POLR1D: variants seen among roughly 807,000 people sequenced by gnomAD.
POLR1D encodes the protein DNA-directed RNA polymerases I and III subunit RPAC2.
Under a neutral mutation model 10.8 loss-of-function variants are expected in POLR1D, and 8 were observed. The observed-to-expected ratio is 0.74, with a 90% CI of 0.43 to 1.33. The LOEUF (loss-of-function observed/expected upper bound fraction) is 1.33. Among genes scored for constraint, POLR1D ranks in the 40% most tolerant of loss-of-function variants. POLR1D has a pLI of 0.01. For synonymous variants in POLR1D, 54 were observed against 57.2 expected (o/e 0.94, Z 0.25); for missense variants, 152 against 161.7 (o/e 0.94, Z 0.32).
chr13:27,623,271 G>A lies in POLR1D; in HGVS notation c.*21G>A. ...TCTAGTCCTTTATGCAGTATACAAGGAGAACTGTCCTGTAGGATATTCTCT... is the reference window on the plus strand; with the variant it reads ...TCTAGTCCTTTATGCAGTATACAAGAAGAACTGTCCTGTAGGATATTCTCT... On this transcript the variant is annotated 3_prime_UTR_variant, in exon 2 of 2. Coordinates refer to ENST00000302979, the MANE Select transcript of POLR1D (RefSeq NM_015972.4). 1 of 1,613,020 alleles carries A rather than the reference G, an allele frequency of 6.2e-7. No homozygotes were observed. Among genetic ancestry groups the A allele is most frequent in the Non-Finnish European group, 8.5e-7 (1 of 1,179,886 alleles).
chr13:27,647,521 C>G (rs1231590152), intron 1 of POLR1D, among the ~76,000 whole-genome samples: 2 of 152,032 alleles, frequency 1.3e-5, no homozygotes, highest in Non-Finnish European at 2.9e-5. Context: ...CCACACCTAG[C>G]CGTCTCCAAA....
chr13:27,632,698 C>T (rs1566144516), intron 1 of POLR1D, among the ~76,000 whole-genome samples: 3 of 138,938 alleles, frequency 2.2e-5, no homozygotes, highest in African/African-American at 7.6e-5. Context: ...TATCTTCTAA[C>T]ATATGAGATA....
At chr13:27,665,497 T>G in intron 2 of POLR1D, 3 of 618,522 alleles carry the variant, frequency 4.9e-6, no homozygotes, top group Non-Finnish European at 8.6e-6. Flanking sequence ...TCTCAAGAAT[T>G]CCAATCGTCT....
intron 1 of POLR1D, among the ~76,000 whole-genome samples, chr13:27,636,710 T>G (rs569545779): frequency 6.6e-6 from 1 of 152,280 alleles, no homozygotes; most frequent in Non-Finnish European, 1.5e-5. Context: ...GGAAGCCAAA[T>G]TATGCTGTTT....
At chr13:27,654,015 G>T (rs1324519021) in intron 2 of POLR1D, among the ~76,000 whole-genome samples, 2 of 152,202 alleles carry the variant, frequency 1.3e-5, no homozygotes, top group African/African-American at 4.8e-5. Flanking sequence ...TATCTGGAGA[G>T]CTGGCAAGAA....
chr13:27,648,265 A>C (rs565961296), intron 1 of POLR1D: 36 of 718,464 alleles, frequency 5.0e-5, no homozygotes, highest in South Asian at 4.4e-4. Flanking sequence ...AATTTGCCCC[A>C]GCAATCATGC....
At chr13:27,634,762 ACCT>A (rs921690691) in intron 1 of POLR1D, among the ~76,000 whole-genome samples, 7 of 146,930 alleles carry the variant, frequency 4.8e-5, no homozygotes, top group African/African-American at 1.8e-4. Flanking sequence ...TGCAGCCTTG[ACCT>A]CCTGGGCTCA....
chr13:27,635,454 G>A (rs1205423271), intron 1 of POLR1D, among the ~76,000 whole-genome samples: 1 of 151,704 alleles, frequency 6.6e-6, no homozygotes, highest in Non-Finnish European at 1.5e-5. Flanking sequence ...CTCAGACAAG[G>A]CAGCCTCCCT....
chr13:27,666,944 A>G (rs1956424009), exon 3 of POLR1D: 1 of 152,206 alleles, frequency 6.6e-6, no homozygotes. Flanking sequence ...CCAGTTTTCC[A>G]AAGTGTCTGA....
intron 1 of POLR1D, among the ~76,000 whole-genome samples, chr13:27,634,304 G>C (rs1435727481): frequency 6.6e-6 from 1 of 152,166 alleles, no homozygotes; most frequent in East Asian, 1.9e-4. Flanking sequence ...TTACAGGTGT[G>C]TCACTGTCTG....
downstream of POLR1D, among the ~76,000 whole-genome samples, chr13:27,626,325 A>G (rs1956009277): frequency 6.6e-6 from 1 of 152,212 alleles, no homozygotes; most frequent in Admixed American, 6.5e-5. Context: ...GCCAGAGGCG[A>G]CCGCTCACCA....
rs11029 is a variant in POLR1D at position 27,665,803 on chromosome 13, G to C, written c.219G>C (p.Ala73=). ...AAAAAGAGGGCGATAAGGAACCAGC[G>C]AAGAGCCAGGCCCAGAAAGAAGAAA... is the stretch of plus-strand genomic sequence containing the variant. Residue 73 remains alanine, a synonymous_variant, in exon 3 of 3, where the codon GCG becomes GCC. Transcript: ENST00000399697. 0.35 allele frequency: 563,161 copies of C among 1,612,572 alleles called. 103,690 individuals are homozygous for C. The highest frequency in any genetic ancestry group is 0.52 in the Admixed American group (31,043 of 60,006).
At chr13:27,641,258 G>A (rs1956170990) in intron 1 of POLR1D, among the ~76,000 whole-genome samples, 2 of 152,280 alleles carry the variant, frequency 1.3e-5, no homozygotes, top group Middle Eastern at 3.4e-3. Context: ...CAGCAATTGG[G>A]CCATATGCTA....
chr13:27,621,584 TGGG>T, upstream of POLR1D: 1 of 156,118 alleles, frequency 6.4e-6, no homozygotes, highest in Middle Eastern at 2.9e-3. Flanking sequence ...GGAAGTGATT[TGGG>T]GGCGGCAGGT....
chr13:27,648,352 C>T (rs764502901), intron 1 of POLR1D: 2 of 1,482,754 alleles, frequency 1.3e-6, no homozygotes, highest in Non-Finnish European at 1.9e-6. Context: ...GTGACTGCCT[C>T]TCAAATCTTT....
Position 27,623,033 on chromosome 13 carries a change from AC to A in POLR1D, c.188del (p.Pro63ArgfsTer38). On this transcript the variant is annotated frameshift_variant, in exon 2 of 2. Coordinates refer to ENST00000302979, the MANE Select transcript of POLR1D (RefSeq NM_015972.4). LOFTEE classifies it high-confidence loss of function. ...GNSLRYMIMK[N>X]PEVEFCGYTT... ...TCTCTACGTTACATGATCATGAAGAACCCGGAAGTGGAATTTTGTGGTTACA... is the reference window on the plus strand; with the variant it reads ...TCTCTACGTTACATGATCATGAAGAACCGGAAGTGGAATTTTGTGGTTACA... 1 of 1,614,050 alleles carries A rather than the reference AC, an allele frequency of 6.2e-7. No individual in the cohort carries two copies. Among genetic ancestry groups the A allele is most frequent in the Non-Finnish European group, 8.5e-7 (1 of 1,179,968 alleles).
intron 1 of POLR1D, among the ~76,000 whole-genome samples, chr13:27,635,951 G>A (rs971605853): frequency 4.6e-5 from 7 of 152,056 alleles, no homozygotes; most frequent in African/African-American, 1.2e-4. Context: ...AAACTGTAAA[G>A]GAAGAACTGC....
At position 27,640,664 on chromosome 13, in the gene POLR1D, T is replaced by C. The variant is rs544138897; in HGVS notation, c.27-7715T>C. ...AAATCATATTACTCTTATATTTGTA[T>C]ATGTGTAGGTCTATGTGGAACATAC... On this transcript the variant is annotated intron_variant, in intron 1 of 2. Coordinates refer to the POLR1D transcript ENST00000399697. Among the ~76,000 whole-genome samples the C allele has an allele frequency of 6.6e-5, 10 of 152,330 alleles. No homozygotes were observed. In the East Asian group the frequency reaches 1.9e-3, roughly 29 times the overall value.
chr13:27,637,242 GT>G (rs1482470496), intron 1 of POLR1D, among the ~76,000 whole-genome samples: 2 of 152,142 alleles, frequency 1.3e-5, no homozygotes, highest in East Asian at 3.9e-4. Context: ...CATGCCTTGG[GT>G]TTTTCTCCAT....
Sources: gnomAD v4.1 joint callset for allele counts (sites outside exome capture counted in the v4.1 genomes callset) on GRCh38, gnomAD v4.1.1 for gene constraint, MANE v1.5 for transcripts, NCBI Gene and HGNC (gene_info 2026-07-23, HGNC 2026-07-21) for gene names.